Variants in COL15A1 observed in about 807,000 individuals in gnomAD.
COL15A1 encodes the protein collagen type XV alpha 1 chain.
In COL15A1, 111 loss-of-function variants were observed where a neutral mutation model predicts 165.9. The observed-to-expected ratio is 0.67, with a 90% CI of 0.57 to 0.78. The LOEUF is 0.78. Ranked by LOEUF, COL15A1 falls within the 30% of genes least tolerant of loss-of-function variation. COL15A1 has a pLI of 0.00. For missense variants in COL15A1, 1,745 were observed against 1,789.7 expected, an observed-to-expected ratio of 0.98 and a Z score of 0.45; for synonymous variants, 659 against 674.8, an observed-to-expected ratio of 0.98 and a Z score of 0.36.
At chr9:98,965,614 ACTTGGCC>A (rs961014219) in intron 2 of COL15A1, among the ~76,000 whole-genome samples, 5 of 151,752 alleles carry the variant, frequency 3.3e-5, no homozygotes, top group Admixed American at 2.0e-4. Context: ...GGAATCACTC[ACTTGGCC>A]CTTGTTTTCC....
In COL15A1 at chr9:98,997,002, A is replaced by C. The variant is rs199642254; in HGVS notation, c.873A>C (p.Glu291Asp). The change falls in exon 6 of 42, where the codon GAA becomes GAC. Residue 291 changes from glutamate to aspartate, a missense_variant. Coordinates refer to ENST00000375001, the MANE Select transcript of COL15A1 (RefSeq NM_001855.5). ...PTPSSPFEDM[E>D]LSGEPVPEGT... ...CATCCTCCCCCTTTGAAGACATGGA[A>C]CTTTCTGGTGAACCTGTACCCGAGG... 39 of 1,614,224 alleles carry C rather than the reference A, an allele frequency of 2.4e-5. No individual in the cohort carries two copies. In the East Asian group the frequency reaches 7.8e-4, roughly 32 times the overall value.
chr9:98,947,045 G>A (rs1017512152), intron 2 of COL15A1, among the ~76,000 whole-genome samples: 1 of 152,088 alleles, frequency 6.6e-6, no homozygotes, highest in Admixed American at 6.6e-5. Context: ...CCACTCCTAA[G>A]TATCTACTTA....
chr9:99,023,871 C>T (rs1048518365), intron 14 of COL15A1, among the ~76,000 whole-genome samples: 1 of 152,136 alleles, frequency 6.6e-6, no homozygotes, highest in South Asian at 2.1e-4. Flanking sequence ...GCTTCCAGAA[C>T]CTTCCTGAAA....
At chr9:98,963,698 C>T (rs1408570602) in intron 2 of COL15A1, among the ~76,000 whole-genome samples, 1 of 151,690 alleles carries the variant, frequency 6.6e-6, no homozygotes, top group Non-Finnish European at 1.5e-5. Flanking sequence ...TGTGGGTTTC[C>T]TCATCTGGAT....
At position 99,034,453 on chromosome 9, in the gene COL15A1, C is replaced by T. The variant is rs1490957763; in HGVS notation, c.2044-96C>T. ...ACAGAAAGAGTCCTATTTTAATATC[C>T]TATTTCCTTGGAGTCCATAATTGTG... On this transcript the variant is annotated intron_variant, in intron 16 of 41. Transcript: ENST00000375001. 2.7e-6 allele frequency: 4 copies of T among 1,489,832 alleles called. No individual in the cohort carries two copies. In the African/African-American group the frequency reaches 4.2e-5, roughly 16 times the overall value. 92.3% of individuals were successfully genotyped at this position (1,489,832 alleles called of 1,614,324 possible). A position where few individuals can be genotyped will look rare whatever the true frequency, so the allele number is the denominator to read the frequency against.
chr9:98,982,556 G>A (rs544904559), intron 2 of COL15A1, among the ~76,000 whole-genome samples: 96 of 152,272 alleles, frequency 6.3e-4, no homozygotes, highest in Admixed American at 2.7e-3. Context: ...AACAGATAGA[G>A]TTGTGTCAGG....
chr9:99,058,110 G>A (rs1262575530), intron 35 of COL15A1, among the ~76,000 whole-genome samples: 2 of 152,184 alleles, frequency 1.3e-5, no homozygotes, highest in Non-Finnish European at 2.9e-5. Context: ...GCAGTTTCAC[G>A]CTTCCTCACC....
chr9:98,947,290 C>G (rs922449031), intron 2 of COL15A1, among the ~76,000 whole-genome samples: 9 of 151,948 alleles, frequency 5.9e-5, no homozygotes, highest in Admixed American at 2.0e-4. Flanking sequence ...GTAAAAGAAG[C>G]CAGACATTAA....
rs149425519 is a variant in COL15A1 at position 99,066,857 on chromosome 9, C to G, written c.3652-25C>G. 1.2e-3 allele frequency: 1,861 copies of G among 1,599,046 alleles called. 3 individuals carry two copies. Among genetic ancestry groups the G allele is most frequent in the Middle Eastern group, 2.0e-3 (10 of 5,096 alleles). On this transcript the variant is annotated intron_variant, in intron 39 of 41. Transcript: ENST00000375001. The stretch of plus-strand genomic sequence containing the variant: ...TGGAGTTTGCCTTTGATTCTGACTG[C>G]TCTCTTTTGTCTCACATTTTTCAGC...
At chr9:99,008,482 A>C (rs1838798083) in intron 9 of COL15A1, among the ~76,000 whole-genome samples, 2 of 152,248 alleles carry the variant, frequency 1.3e-5, no homozygotes, top group Non-Finnish European at 2.9e-5. Context: ...CTGTTACAAA[A>C]GAAAACAGAT....
At chr9:99,026,314 C>T (rs900997245) in intron 16 of COL15A1, among the ~76,000 whole-genome samples, 4 of 152,198 alleles carry the variant, frequency 2.6e-5, no homozygotes, top group African/African-American at 9.6e-5. Context: ...CCACATCTCT[C>T]ACTTTTGTCT....
At chr9:99,033,260 C>T (rs568322978) in intron 16 of COL15A1, among the ~76,000 whole-genome samples, 55 of 152,320 alleles carry the variant, frequency 3.6e-4, no homozygotes, top group African/African-American at 1.1e-3. Context: ...TGATCTTCCG[C>T]GTGTAGGGTG....
Position 99,070,336 on chromosome 9 carries a change from A to G in COL15A1, c.*450A>G, listed in dbSNP as rs184659894. 1.7e-5 allele frequency: 4 copies of G among 239,542 alleles called. No homozygotes were observed. The highest frequency in any genetic ancestry group is 9.4e-5 in the African/African-American group (4 of 42,644). 14.8% of individuals were successfully genotyped at this position (239,542 alleles called of 1,614,324 possible). A position where few individuals can be genotyped will look rare whatever the true frequency, so the allele number is the denominator to read the frequency against. On this transcript the variant is annotated 3_prime_UTR_variant, in exon 42 of 42. Transcript: ENST00000375001. ...TCAAATGCTTTTTTCTTTCACGTACATCCATCATTTGCAACTGCTGTTCGT... is the reference window on the plus strand; with the variant it reads ...TCAAATGCTTTTTTCTTTCACGTACGTCCATCATTTGCAACTGCTGTTCGT...
intron 2 of COL15A1, among the ~76,000 whole-genome samples, chr9:98,948,750 A>G (rs942451557): frequency 6.6e-6 from 1 of 152,216 alleles, no homozygotes; most frequent in Non-Finnish European, 1.5e-5. Context: ...AATATTTTAG[A>G]AGATAAGGGG....
chr9:99,034,723 G>A, intron 17 of COL15A1, 139 bp downstream of exon 17: 2 of 1,425,646 alleles, frequency 1.4e-6, no homozygotes, highest in Non-Finnish European at 1.9e-6. Context: ...ACATCTCAAA[G>A]GAATTGCTCA....
intron 2 of COL15A1, among the ~76,000 whole-genome samples, chr9:98,946,980 G>A (rs1037628718): frequency 3.9e-5 from 6 of 152,186 alleles, no homozygotes; most frequent in South Asian, 2.1e-4. Flanking sequence ...TGTTCCCAAC[G>A]ATTTGGCAGT....
chr9:99,019,318 A>G (rs1588517993), intron 11 of COL15A1, among the ~76,000 whole-genome samples: 1 of 152,200 alleles, frequency 6.6e-6, no homozygotes, highest in East Asian at 1.9e-4. Flanking sequence ...CTCAGCCTGC[A>G]GAGTAGCTGG....
Position 99,052,403 on chromosome 9 carries a change from C to T in COL15A1, c.2920C>T (p.Pro974Ser). ...CTCTTTCCAGGTTGATACTGCTCAT[C>T]CTGGGAGTCCAGAGCTCATCACTTT... ...HCKMPVDTAH[P>S]GSPELITFHG... is the part of the protein sequence containing the mutation. Residue 974 changes from proline (P) to serine (S), a missense_variant, in exon 31 of 42, where the codon CCT (proline) becomes TCT (serine). Physicochemically the swap from Pro to Ser is moderately conservative, Grantham distance 74 (BLOSUM62 -1). Coordinates refer to ENST00000375001, the MANE Select transcript of COL15A1 (RefSeq NM_001855.5). The T allele has an allele frequency of 1.2e-6, 2 of 1,612,386 alleles. No individual in the cohort carries two copies. Among genetic ancestry groups the T allele is most frequent in the Non-Finnish European group, 1.7e-6 (2 of 1,178,426 alleles).
chr9:98,985,012 G>A lies in COL15A1; in HGVS notation c.101-553G>A, dbSNP rs192108571. Reference sequence around the variant, plus strand: ...TCACCATGTTGGCCATGTTATCCTCGAACTCCTGACCTCAAGTGATCCACC... The same window carrying A: ...TCACCATGTTGGCCATGTTATCCTCAAACTCCTGACCTCAAGTGATCCACC... On this transcript the variant is annotated intron_variant, in intron 2 of 41. Coordinates refer to ENST00000375001, the MANE Select transcript of COL15A1 (RefSeq NM_001855.5). Among the ~76,000 whole-genome samples the A allele has an allele frequency of 3.3e-3, 507 of 152,052 alleles. 1 individual carries two copies. Among genetic ancestry groups the A allele is most frequent in the Middle Eastern group, 0.017 (5 of 294 alleles).
Sources: allele counts gnomAD v4.1 joint callset (sites outside exome capture counted in the v4.1 genomes callset), GRCh38; gene constraint gnomAD v4.1.1; transcripts MANE v1.5; gene names NCBI Gene and HGNC (gene_info 2026-07-23, HGNC 2026-07-21).